MTF1: variants seen among roughly 807,000 people sequenced by gnomAD.
MTF1 encodes the protein MRE-binding transcription factor.
A neutral mutation model predicts 70.4 loss-of-function variants in MTF1; 22 were observed. The ratio of observed to expected loss-of-function variants is 0.31; its 90% confidence interval spans 0.22 to 0.45. The LOEUF (loss-of-function observed/expected upper bound fraction) is 0.45, where lower values mean the gene tolerates loss of function less well. MTF1 is among the 20% of genes least tolerant of loss of function. The pLI, the probability that MTF1 is intolerant of heterozygous loss-of-function variation, is 1.00. For synonymous variants in MTF1, 333 were observed against 352.8 expected (o/e 0.94, Z 0.63); for missense variants, 649 against 922.0 (o/e 0.70, Z 3.83).
Position 37,822,212 on chromosome 1 carries a change from G to C in MTF1, c.1676C>G (p.Ala559Gly). Reference protein sequence around the residue: ...TITITPTPNTAILQSSLVMGE... With the variant: ...TITITPTPNTGILQSSLVMGE... ...CATGACTAGGCTGGACTGCAGGATA[G>C]CTGTGTTGGGAGTTGGGGTGATGGT... Residue 559 changes from alanine (A) to glycine (G), a missense_variant, in exon 9 of 11, where the codon GCT (alanine) becomes GGT (glycine). By Grantham distance (60) the Ala-to-Gly change is moderately conservative. Around this residue, in one of 7 missense-constraint regions of MTF1, gnomAD observed 267 missense variants for 292.1 expected, o/e 0.91. Transcript: ENST00000373036. 6.2e-7 allele frequency: 1 copy of C among 1,614,178 alleles called. No homozygotes were observed. The highest frequency in any genetic ancestry group is 2.2e-5 in the East Asian group (1 of 44,890).
chr1:37,820,773 T>A (rs1267316797), intron 9 of MTF1, among the ~76,000 whole-genome samples: 1 of 152,166 alleles, frequency 6.6e-6, no homozygotes, highest in Non-Finnish European at 1.5e-5. Context: ...GGACTTTAGA[T>A]AACAATAATG....
chr1:37,819,398 G>A (rs889691322), intron 9 of MTF1, among the ~76,000 whole-genome samples: 14 of 152,036 alleles, frequency 9.2e-5, no homozygotes, highest in Non-Finnish European at 7.4e-5. Flanking sequence ...CAAAGCGGGC[G>A]GATCACCTGA....
rs529933139 is a variant in MTF1 at position 37,857,204 on chromosome 1, G to A, written c.408+47C>T. 8 of 1,569,958 alleles carry A rather than the reference G, an allele frequency of 5.1e-6. No homozygotes were observed. In the South Asian group the frequency reaches 5.9e-5, roughly 12 times the overall value. ...AAATTTGCACCAAGAATTTTGTAAG[G>A]ACTTGCCCCAAAACCAAACTAGGCC... On this transcript the variant is annotated intron_variant, in intron 2 of 10. Coordinates refer to ENST00000373036, the MANE Select transcript of MTF1 (RefSeq NM_005955.3).
intron 3 of MTF1, 118 bp downstream of exon 3, chr1:37,839,802 C>T (rs984692898): frequency 5.0e-6 from 4 of 795,442 alleles, no homozygotes; most frequent in South Asian, 1.7e-5. Context: ...TAGTTGAACA[C>T]AGCTGCGCTC....
chr1:37,845,355 T>C (rs1335682609), intron 2 of MTF1, among the ~76,000 whole-genome samples: 2 of 152,076 alleles, frequency 1.3e-5, no homozygotes, highest in South Asian at 2.1e-4. Context: ...TTCACTGGAA[T>C]GGTAGGAACA....
intron 2 of MTF1, among the ~76,000 whole-genome samples, chr1:37,843,199 C>T (rs1641281566): frequency 6.6e-6 from 1 of 152,052 alleles, no homozygotes. Flanking sequence ...AAATGTTTTG[C>T]TATGTTGCCC....
At chr1:37,842,264 T>A (rs1388837331) in intron 2 of MTF1, among the ~76,000 whole-genome samples, 1 of 150,972 alleles carries the variant, frequency 6.6e-6, no homozygotes, top group Non-Finnish European at 1.5e-5. Flanking sequence ...AAAATAATAA[T>A]AACAATAACA....
At position 37,829,800 on chromosome 1, in the gene MTF1, A is replaced by G. The variant is rs188751669; in HGVS notation, c.1068+2445T>C. On this transcript the variant is annotated intron_variant, in intron 7 of 10. Transcript: ENST00000373036. The stretch of plus-strand genomic sequence containing the variant: ...ACTCTGTCTCAAAAAAAAAAAAAGA[A>G]AAAAGAAAAATTAATCCTATTGCTT... Among the ~76,000 whole-genome samples, 291 of 152,242 alleles carry G rather than the reference A, an allele frequency of 1.9e-3. 2 individuals carry two copies. Among genetic ancestry groups the G allele is most frequent in the Middle Eastern group, 3.4e-3 (1 of 294 alleles).
chr1:37,831,933 C>T lies in MTF1; in HGVS notation c.1068+312G>A, dbSNP rs571581953. On this transcript the variant is annotated intron_variant, in intron 7 of 10. Transcript: ENST00000373036. ...GTTCCTCAAGGACAAACTATACCAACATTTTTAACTACTATAAGCTCAGTA... is the reference window on the plus strand; with the variant it reads ...GTTCCTCAAGGACAAACTATACCAATATTTTTAACTACTATAAGCTCAGTA... 5.3e-5 allele frequency among the ~76,000 whole-genome samples: 8 copies of T among 152,310 alleles called. No homozygotes were observed. The South Asian group carries it at 1.7e-3, about 32-fold the overall frequency.
chr1:37,854,697 A>C (rs1296547091), intron 2 of MTF1, among the ~76,000 whole-genome samples: 2 of 152,202 alleles, frequency 1.3e-5, no homozygotes, highest in Non-Finnish European at 2.9e-5. Flanking sequence ...AGATTAAGAG[A>C]TAAGAGCCAT....
At chr1:37,844,962 T>A (rs1641311853) in intron 2 of MTF1, among the ~76,000 whole-genome samples, 1 of 152,238 alleles carries the variant, frequency 6.6e-6, no homozygotes, top group Non-Finnish European at 1.5e-5. Flanking sequence ...TACATCATTA[T>A]GTTTCATGGC....
rs1301219371 is a variant in MTF1 at position 37,859,535 on chromosome 1, G to C, written c.-56C>G. 6 of 398,898 alleles carry C rather than the reference G, an allele frequency of 1.5e-5. No individual in the cohort carries two copies. The highest frequency in any genetic ancestry group is 1.2e-4 in the African/African-American group (6 of 48,640). 24.7% of individuals were successfully genotyped at this position (398,898 alleles called of 1,614,324 possible). A position where few individuals can be genotyped will look rare whatever the true frequency, so the allele number is the denominator to read the frequency against. On this transcript the variant is annotated 5_prime_UTR_variant, in exon 1 of 11. Transcript: ENST00000373036. ...GAGTCTAGTTTCGCCTTTTACCTCC[G>C]CGGCTCCCGGCAACGGCGGCAGCAG...
At chr1:37,858,086 C>T (rs1641528832) in intron 1 of MTF1, among the ~76,000 whole-genome samples, 1 of 151,658 alleles carries the variant, frequency 6.6e-6, no homozygotes, top group Non-Finnish European at 1.5e-5. Flanking sequence ...ATAAGACCTT[C>T]TGAATACGCC....
At chr1:37,834,244 G>A (rs563746846) in intron 6 of MTF1, among the ~76,000 whole-genome samples, 6 of 152,110 alleles carry the variant, frequency 3.9e-5, no homozygotes, top group East Asian at 1.9e-4. Flanking sequence ...AAATAAAAGC[G>A]AGGTAGATGA....
intron 9 of MTF1, among the ~76,000 whole-genome samples, chr1:37,819,884 G>A (rs12726977): frequency 0.21 from 31,196 of 149,280 alleles, 4,085 homozygotes; most frequent in Non-Finnish European, 0.28. Context: ...GCCAGGAGGC[G>A]GAGGTTGCAG....
rs576867995 is a variant in MTF1, at chr1:37,810,802, T to C, written c.*4334A>G. The C allele has an allele frequency of 7.2e-5, 11 of 152,216 alleles. No homozygotes were observed. The South Asian group carries it at 2.1e-3, about 29-fold the overall frequency. The allele number at this position is 152,216 out of a possible 1,614,324, so 9.4% of individuals were successfully genotyped here. On this transcript the variant is annotated 3_prime_UTR_variant, in exon 11 of 11. Transcript: ENST00000373036. ...GGGGAGGTGGAGTAAAGGAAGAAAG[T>C]TGATAATGATTCATGGGATGTAATG...
At chr1:37,817,544 TG>T in intron 9 of MTF1, 62 bp from the exon 10 acceptor site, 1 of 1,149,650 alleles carries the variant, frequency 8.7e-7, no homozygotes, top group South Asian at 1.2e-5. Context: ...CCCAGGGACC[TG>T]AAGCCTCACC....
rs922864957 is a variant in MTF1 at position 37,813,844 on chromosome 1, C to G, written c.*1292G>C. ...CAAAGGCAGACATATGGATATAATT[C>G]TATAACACACACACACAATTTTTTC... is the stretch of plus-strand genomic sequence containing the variant. On this transcript the variant is annotated 3_prime_UTR_variant, in exon 11 of 11. Transcript: ENST00000373036. 1.3e-5 allele frequency: 2 copies of G among 152,650 alleles called. No homozygotes were observed. The highest frequency in any genetic ancestry group is 2.9e-5 in the Non-Finnish European group (2 of 68,046). 9.5% of individuals were successfully genotyped at this position (152,650 alleles called of 1,614,324 possible).
At chr1:37,853,207 C>G in intron 2 of MTF1, among the ~76,000 whole-genome samples, 1 of 142,276 alleles carries the variant, frequency 7.0e-6, no homozygotes, top group East Asian at 2.0e-4. Flanking sequence ...TCTAACCACT[C>G]TAGCCTTGGC....
Sources: allele counts gnomAD v4.1 joint callset (sites outside exome capture counted in the v4.1 genomes callset), GRCh38; gene constraint gnomAD v4.1.1; regional missense constraint gnomAD v4.1.1; transcripts MANE v1.5; gene names NCBI Gene and HGNC (gene_info 2026-07-23, HGNC 2026-07-21).